DNAH14: variants seen among roughly 807,000 people sequenced by gnomAD.
DNAH14 encodes the protein dynein axonemal heavy chain 14.
Under a neutral mutation model 520.9 loss-of-function variants are expected in DNAH14, and 478 were observed. The ratio of observed to expected loss-of-function variants is 0.92; its 90% CI spans 0.85 to 0.99. The LOEUF (loss-of-function observed/expected upper bound fraction) is 0.99, where lower values mean the gene tolerates loss of function less well. DNAH14 is among the 50% of genes least tolerant of loss of function. DNAH14 has a pLI of 0.00. For synonymous variants in DNAH14, 1,581 were observed against 1,757.2 expected (o/e 0.90, Z 2.51); for missense variants, 4,831 against 5,234.5 (o/e 0.92, Z 2.38).
intron 60 of DNAH14, among the ~76,000 whole-genome samples, chr1:225,313,923 G>T (rs1371747979): frequency 6.6e-6 from 1 of 152,166 alleles, no homozygotes; most frequent in Non-Finnish European, 1.5e-5. Flanking sequence ...TGTTGATTTG[G>T]GGTGGAGAGT....
At chr1:225,269,149 G>A (rs1371605645) in intron 49 of DNAH14, among the ~76,000 whole-genome samples, 1 of 152,144 alleles carries the variant, frequency 6.6e-6, no homozygotes, top group East Asian at 1.9e-4. Context: ...CAATGGAACA[G>A]AACAGAGCCC....
At chr1:224,974,928 A>G (rs12061874) in intron 8 of DNAH14, among the ~76,000 whole-genome samples, 7,959 of 152,062 alleles carry the variant, frequency 0.052, 599 homozygotes, top group African/African-American at 0.17. Context: ...GAGAGTTTTT[A>G]GCATGAAGCG....
chr1:224,967,551 T>C lies in DNAH14; in HGVS notation c.619T>C (p.Phe207Leu). The C allele has an allele frequency of 2.5e-6, 4 of 1,603,478 alleles. No homozygotes were observed. The highest frequency in any genetic ancestry group is 3.4e-6 in the Non-Finnish European group (4 of 1,176,104). ...SAHTAKHCKE[F>L]WVITASFISK... Reference sequence around the variant, plus strand: ...TCATACTGCTAAACATTGCAAAGAATTTTGGGTTATTACTGCTTCATTTAT... The same window carrying C: ...TCATACTGCTAAACATTGCAAAGAACTTTGGGTTATTACTGCTTCATTTAT... The change falls in exon 6 of 86, where the codon TTT (phenylalanine) becomes CTT (leucine). Residue 207 changes from phenylalanine (F) to leucine (L), a missense_variant. By Grantham distance (22) the Phe-to-Leu change is conservative. Transcript: ENST00000682510.
chr1:225,363,599 A>G (rs2095518680), intron 75 of DNAH14, among the ~76,000 whole-genome samples: 1 of 152,152 alleles, frequency 6.6e-6, no homozygotes, highest in Admixed American at 6.5e-5. Flanking sequence ...TATTTTTGAA[A>G]AGTACAAGCT....
chr1:225,029,175 C>A (rs1474784721), intron 11 of DNAH14, among the ~76,000 whole-genome samples: 2 of 151,946 alleles, frequency 1.3e-5, no homozygotes, highest in African/African-American at 4.8e-5. Flanking sequence ...AGACTCAAAA[C>A]ACTATATATT....
At chr1:225,272,122 T>C (rs1397063589) in intron 51 of DNAH14, 49 bp downstream of exon 51, 5 of 1,484,136 alleles carry the variant, frequency 3.4e-6, no homozygotes, top group Non-Finnish European at 3.6e-6. Context: ...TATAAGTTGC[T>C]CTCTCTCATA....
chr1:225,393,669 G>A (rs1575176349), intron 84 of DNAH14, among the ~76,000 whole-genome samples: 1 of 152,248 alleles, frequency 6.6e-6, no homozygotes, highest in African/African-American at 2.4e-5. Context: ...TGTAGATACT[G>A]CCAAATGGTT....
At chr1:225,138,182 A>C (rs568911410) in intron 27 of DNAH14, among the ~76,000 whole-genome samples, 5 of 152,022 alleles carry the variant, frequency 3.3e-5, no homozygotes, top group Non-Finnish European at 7.4e-5. Context: ...GTAGTATGTC[A>C]GGGCCCTGGT....
chr1:225,324,843 C>T lies in DNAH14; in HGVS notation c.9723+11C>T, dbSNP rs2150229038. On this transcript the variant is annotated intron_variant, in intron 64 of 85. Coordinates refer to ENST00000682510, the MANE Select transcript of DNAH14 (RefSeq NM_001367479.1). The stretch of plus-strand genomic sequence containing the variant: ...AGAGGTTTACAGCTGGTAAGAAATA[C>T]AGTTCAGTTCTCAAAATAAGACAAA... 1 of 1,544,482 alleles carries T rather than the reference C, an allele frequency of 6.5e-7. No homozygotes were observed. Among genetic ancestry groups the T allele is most frequent in the East Asian group, 2.4e-5 (1 of 40,844 alleles).
intron 17 of DNAH14, among the ~76,000 whole-genome samples, chr1:225,059,634 C>A (rs2069723128): frequency 6.6e-6 from 1 of 152,190 alleles, no homozygotes. Context: ...ATGGTCTTTA[C>A]AATTTGGCAT....
At chr1:225,394,607 T>C (rs1053119557) in intron 84 of DNAH14, among the ~76,000 whole-genome samples, 2 of 151,932 alleles carry the variant, frequency 1.3e-5, no homozygotes, top group African/African-American at 4.8e-5. Context: ...CTTTGAGAGG[T>C]CAAGGTGGGC....
intron 23 of DNAH14, among the ~76,000 whole-genome samples, chr1:225,116,452 G>T (rs936480410): frequency 2.0e-5 from 3 of 152,160 alleles, no homozygotes; most frequent in Admixed American, 6.5e-5. Flanking sequence ...TGGAGCATCC[G>T]ATAGGAAGTA....
Position 225,100,894 on chromosome 1 carries a change from T to A in DNAH14, c.3867+10T>A, listed in dbSNP as rs779043955. The A allele has an allele frequency of 6.8e-7, 1 of 1,480,964 alleles. No individual in the cohort carries two copies. The highest frequency in any genetic ancestry group is 8.9e-7 in the Non-Finnish European group (1 of 1,118,362). The allele number at this position is 1,480,964 out of a possible 1,614,324, so 91.7% of individuals were successfully genotyped here. On this transcript the variant is annotated intron_variant, in intron 23 of 85. Coordinates refer to ENST00000682510, the MANE Select transcript of DNAH14 (RefSeq NM_001367479.1). ...AAAGAAAAGCCTTGAGGTAAAACTA[T>A]AGCAATTCTAAAGCAGTGAATCATT...
At chr1:225,005,718 CAT>C (rs764864306) in intron 9 of DNAH14, among the ~76,000 whole-genome samples, 9 of 151,944 alleles carry the variant, frequency 5.9e-5, no homozygotes, top group East Asian at 1.9e-4. Flanking sequence ...AAAAGATAAA[CAT>C]ATCTGTATAT....
rs2068407450 is a variant in DNAH14, at chr1:225,050,199, A to C, written c.1913-11A>C. The C allele has an allele frequency of 6.6e-7, 1 of 1,522,916 alleles. No individual in the cohort carries two copies. 94.3% of individuals were successfully genotyped at this position (1,522,916 alleles called of 1,614,324 possible). ...TTTCTGAAGTACTGACTTTTAAATT[A>C]TATATTTTAGCCACAATTACTCCTC... On this transcript the variant is annotated splice_polypyrimidine_tract_variant and intron_variant, in intron 15 of 85. Coordinates refer to ENST00000682510, the MANE Select transcript of DNAH14 (RefSeq NM_001367479.1).
chr1:225,302,142 T>C (rs374836041), intron 56 of DNAH14, among the ~76,000 whole-genome samples: 1 of 148,486 alleles, frequency 6.7e-6, no homozygotes, highest in South Asian at 2.1e-4. Flanking sequence ...TCTGCATATA[T>C]AATATATATA....
At chr1:225,200,649 T>A (rs188891267) in intron 38 of DNAH14, among the ~76,000 whole-genome samples, 15 of 152,180 alleles carry the variant, frequency 9.9e-5, no homozygotes, top group Non-Finnish European at 1.9e-4. Flanking sequence ...TCTTGGCTGA[T>A]AATTGTTTTG....
chr1:225,032,104 G>A (rs964078902), intron 11 of DNAH14, among the ~76,000 whole-genome samples: 21 of 151,796 alleles, frequency 1.4e-4, no homozygotes, highest in African/African-American at 4.8e-4. Context: ...TTTAGGTTTG[G>A]GGGTACATGT....
intron 27 of DNAH14, among the ~76,000 whole-genome samples, chr1:225,137,094 A>T (rs1559071758): frequency 6.6e-6 from 1 of 152,304 alleles, no homozygotes; most frequent in South Asian, 2.1e-4. Context: ...GGGTTAGCAC[A>T]TGCTCATTTA....
Sources: allele counts gnomAD v4.1 joint callset (sites outside exome capture counted in the v4.1 genomes callset), GRCh38; gene constraint gnomAD v4.1.1; transcripts MANE v1.5; gene names NCBI Gene and HGNC (gene_info 2026-07-23, HGNC 2026-07-21).